ANTXR1: variants seen among roughly 807,000 people sequenced by gnomAD.
The protein encoded by ANTXR1 is ANTXR cell adhesion molecule 1.
Under a neutral mutation model 78.1 loss-of-function variants are expected in ANTXR1, and 19 were observed. The observed-to-expected ratio is 0.24, with a 90% CI of 0.17 to 0.36. The LOEUF (loss-of-function observed/expected upper bound fraction) is 0.36, where lower values mean the gene tolerates loss of function less well. Among genes scored for constraint, ANTXR1 ranks in the 10% least tolerant of loss-of-function variants. The pLI is 1.00. For synonymous variants in ANTXR1, 273 were observed against 260.5 expected (o/e 1.05, Z -0.46); for missense variants, 518 against 718.6 (o/e 0.72, Z 3.19).
intron 1 of ANTXR1, among the ~76,000 whole-genome samples, chr2:69,014,329 CTCCT>C (rs1002079902): frequency 1.3e-5 from 2 of 152,158 alleles, no homozygotes; most frequent in African/African-American, 4.8e-5. Context: ...CCGCCCCCCA[CTCCT>C]TCCTTATTAG....
intron 7 of ANTXR1, among the ~76,000 whole-genome samples, chr2:69,075,944 T>C (rs762701038): frequency 6.6e-6 from 1 of 152,044 alleles, no homozygotes; most frequent in Non-Finnish European, 1.5e-5. Flanking sequence ...AAAACGGGTT[T>C]TTTCTGTTTG....
intron 17 of ANTXR1, among the ~76,000 whole-genome samples, chr2:69,216,391 C>G (rs1261631349): frequency 6.6e-6 from 1 of 152,128 alleles, no homozygotes; most frequent in Non-Finnish European, 1.5e-5. Flanking sequence ...ACATACATAT[C>G]TATTAATACA....
intron 17 of ANTXR1, among the ~76,000 whole-genome samples, chr2:69,209,833 G>C (rs571823641): frequency 6.6e-6 from 1 of 152,236 alleles, no homozygotes; most frequent in Non-Finnish European, 1.5e-5. Flanking sequence ...CCTGAGGAAA[G>C]ACATTTGGAT....
At chr2:69,069,494 A>G (rs1282713297) in intron 3 of ANTXR1, among the ~76,000 whole-genome samples, 3 of 152,234 alleles carry the variant, frequency 2.0e-5, no homozygotes, top group African/African-American at 7.2e-5. Context: ...GTTCCCAGAC[A>G]GTGTTAGGAA....
At position 69,245,593 on chromosome 2, in the gene ANTXR1, A is replaced by G; in HGVS notation, c.*108A>G. ...TGATAAAGCCCACTGACCTTCACACATTCTAAAAATTGGTTGGCAATGCCA... is the reference window on the plus strand; with the variant it reads ...TGATAAAGCCCACTGACCTTCACACGTTCTAAAAATTGGTTGGCAATGCCA... On this transcript the variant is annotated 3_prime_UTR_variant, in exon 18 of 18. Transcript: ENST00000303714. 1 of 1,493,360 alleles carries G rather than the reference A, an allele frequency of 6.7e-7. No homozygotes were observed. Among genetic ancestry groups the G allele is most frequent in the Non-Finnish European group, 9.0e-7 (1 of 1,112,402 alleles). The allele number at this position is 1,493,360 out of a possible 1,614,324, so 92.5% of individuals were successfully genotyped here.
intron 17 of ANTXR1, among the ~76,000 whole-genome samples, chr2:69,195,565 G>A (rs979519155): frequency 2.6e-5 from 4 of 152,126 alleles, no homozygotes; most frequent in African/African-American, 9.7e-5. Context: ...CATCACATAT[G>A]GAATTTGAGC....
intron 1 of ANTXR1, among the ~76,000 whole-genome samples, chr2:69,036,196 C>G (rs1187512569): frequency 1.3e-5 from 2 of 152,182 alleles, no homozygotes; most frequent in African/African-American, 2.4e-5. Flanking sequence ...CATTGCTTCT[C>G]CTCCTAGTAT....
intron 17 of ANTXR1, among the ~76,000 whole-genome samples, chr2:69,237,374 G>A (rs1675790793): frequency 6.6e-6 from 1 of 152,208 alleles, no homozygotes; most frequent in Non-Finnish European, 1.5e-5. Context: ...AGCCGAGAAG[G>A]ATCAGAGCAT....
At chr2:69,118,980 A>C (rs992556716) in intron 10 of ANTXR1, among the ~76,000 whole-genome samples, 2 of 152,172 alleles carry the variant, frequency 1.3e-5, no homozygotes, top group African/African-American at 4.8e-5. Flanking sequence ...ACTCGGATGG[A>C]GGAAGGTCTT....
chr2:69,166,800 C>T lies in ANTXR1; in HGVS notation c.1048-3448C>T, dbSNP rs183279003. On this transcript the variant is annotated intron_variant, in intron 13 of 17. Coordinates refer to ENST00000303714, the MANE Select transcript of ANTXR1 (RefSeq NM_032208.3). ...GAGAGTGGGCCAAACCAAGCCTGAG[C>T]TTGGAAGCTGATTCTAGCTTGCATT... 1.8e-3 allele frequency among the ~76,000 whole-genome samples: 271 copies of T among 152,336 alleles called. 1 individual carries two copies. Among genetic ancestry groups the T allele is most frequent in the African/African-American group, 6.3e-3 (260 of 41,580 alleles).
intron 14 of ANTXR1, chr2:69,172,648 C>A: frequency 1.4e-6 from 1 of 737,358 alleles, no homozygotes; most frequent in Non-Finnish European, 1.8e-6. Flanking sequence ...AGAGGCATGT[C>A]TACTATTTAA....
At chr2:69,039,131 T>G (rs1669538314) in intron 1 of ANTXR1, among the ~76,000 whole-genome samples, 1 of 152,100 alleles carries the variant, frequency 6.6e-6, no homozygotes, top group Non-Finnish European at 1.5e-5. Flanking sequence ...CAAGCAGAAA[T>G]GCAGAGCTTG....
chr2:69,244,831 G>C lies in ANTXR1; in HGVS notation c.1435-394G>C, dbSNP rs543297805. Among the ~76,000 whole-genome samples the C allele has an allele frequency of 5.9e-5, 9 of 152,296 alleles. No individual in the cohort carries two copies. The South Asian group carries it at 1.9e-3, about 32-fold the overall frequency. ...TCACCAACCCCATCTCTTCCTAGTTGTGTGGCCTTGAAAAAGTAACTCCGC... is the reference window on the plus strand; with the variant it reads ...TCACCAACCCCATCTCTTCCTAGTTCTGTGGCCTTGAAAAAGTAACTCCGC... On this transcript the variant is annotated intron_variant, in intron 17 of 17. Coordinates refer to ENST00000303714, the MANE Select transcript of ANTXR1 (RefSeq NM_032208.3).
intron 10 of ANTXR1, among the ~76,000 whole-genome samples, chr2:69,104,602 C>T (rs1027152297): frequency 6.6e-6 from 1 of 152,066 alleles, no homozygotes; most frequent in Non-Finnish European, 1.5e-5. Flanking sequence ...TCTCTTTAAC[C>T]AAAATCCCAA....
At chr2:69,145,449 T>G in intron 12 of ANTXR1, 1 of 1,544,954 alleles carries the variant, frequency 6.5e-7, no homozygotes. Flanking sequence ...ACATGCTCGG[T>G]TTACACTTTC....
At chr2:69,109,843 C>A (rs1671924307) in intron 10 of ANTXR1, among the ~76,000 whole-genome samples, 1 of 152,036 alleles carries the variant, frequency 6.6e-6, no homozygotes, top group Admixed American at 6.6e-5. Flanking sequence ...TGTTTGAGTG[C>A]ATATTTTTAA....
chr2:69,197,054 G>A (rs1294938962), intron 17 of ANTXR1, among the ~76,000 whole-genome samples: 4 of 152,208 alleles, frequency 2.6e-5, no homozygotes, highest in Non-Finnish European at 4.4e-5. Context: ...GGTCAGGGGT[G>A]GCAGCAGGGA....
intron 17 of ANTXR1, among the ~76,000 whole-genome samples, chr2:69,224,760 C>T (rs150439813): frequency 3.2e-4 from 48 of 152,174 alleles, no homozygotes; most frequent in Non-Finnish European, 5.3e-4. Flanking sequence ...ATGAAAATGA[C>T]GTAAGAGGCA....
chr2:69,201,081 G>A (rs1674762300), intron 17 of ANTXR1, among the ~76,000 whole-genome samples: 1 of 152,114 alleles, frequency 6.6e-6, no homozygotes, highest in African/African-American at 2.4e-5. Flanking sequence ...CAAGATTAAT[G>A]AATGAGCCCT....
Sources: gnomAD v4.1 joint callset for allele counts (sites outside exome capture counted in the v4.1 genomes callset) on GRCh38, gnomAD v4.1.1 for gene constraint, MANE v1.5 for transcripts, NCBI Gene and HGNC (gene_info 2026-07-23, HGNC 2026-07-21) for gene names.